The following GNAS variants were observed in gnomAD, a reference collection of about 807,000 sequenced individuals.
GNAS encodes GNAS complex locus.
Under a neutral mutation model 54.5 loss-of-function variants are expected in GNAS, and 8 were observed. The ratio of observed to expected loss-of-function variants is 0.15; its 90% CI spans 0.09 to 0.26. The LOEUF is 0.26. GNAS is among the 10% of genes least tolerant of loss of function. GNAS has a pLI of 1.00. For synonymous variants in GNAS, 204 were observed against 191.4 expected (o/e 1.07, Z -0.54); for missense variants, 170 against 529.8 (o/e 0.32, Z 6.67).
intron 5 of GNAS, 100 bp downstream of exon 5, chr20:58,903,891 C>G (rs987077290): frequency 1.6e-6 from 2 of 1,229,432 alleles, no homozygotes; most frequent in African/African-American, 3.0e-5. Context: ...GCAGGAGCAT[C>G]CAAACCACAC....
intron 1 of GNAS, among the ~76,000 whole-genome samples, chr20:58,893,683 C>T (rs1277896440): frequency 1.3e-5 from 2 of 152,156 alleles, no homozygotes; most frequent in African/African-American, 2.4e-5. Flanking sequence ...GTGTTGCTGT[C>T]TTGTCTAAAA....
chr20:58,891,856 C>G lies in GNAS; in HGVS notation c.130C>G (p.Leu44Val). Reference sequence around the variant, plus strand: ...GGTCTACCGGGCCACGCACCGCCTGCTGCTGCTGGGTAAGGGCGGGCGGGG... The same window carrying G: ...GGTCTACCGGGCCACGCACCGCCTGGTGCTGCTGGGTAAGGGCGGGCGGGG... ...KQVYRATHRL[L>V]LLGAGESGKS... Residue 44 changes from leucine (L) to valine (V), a missense_variant, in exon 1 of 13, where the codon CTG becomes GTG. Leu to Val is a conservative substitution (Grantham distance 32, BLOSUM62 1). Around this residue, in one of 3 missense-constraint regions of GNAS, gnomAD observed 56 missense variants for 55.7 expected, o/e 1.01. Coordinates refer to ENST00000371085, the MANE Select transcript of GNAS (RefSeq NM_000516.7). 8.1e-7 allele frequency: 1 copy of G among 1,227,604 alleles called. No individual in the cohort carries two copies. The highest frequency in any genetic ancestry group is 1.1e-6 in the Non-Finnish European group (1 of 945,240). The allele number at this position is 1,227,604 out of a possible 1,614,324, so 76.0% of individuals were successfully genotyped here. A position where few individuals can be genotyped will look rare whatever the true frequency, so the allele number is the denominator to read the frequency against.
At position 58,899,881 on chromosome 20, in the gene GNAS, G is replaced by A. The variant is rs1215862383; in HGVS notation, c.257+896G>A. On this transcript the variant is annotated intron_variant, in intron 3 of 12. Transcript: ENST00000371085. Reference sequence around the variant, plus strand: ...AAACAGCTTCTGTGGCCGGGGAGGGGAGGGGCAAAGATATTGGGGTCTGGG... The same window carrying A: ...AAACAGCTTCTGTGGCCGGGGAGGGAAGGGGCAAAGATATTGGGGTCTGGG... 3.9e-5 allele frequency: 28 copies of A among 715,666 alleles called. No individual in the cohort carries two copies. The East Asian group carries it at 7.5e-4, about 19-fold the overall frequency. 44.3% of individuals were successfully genotyped at this position (715,666 alleles called of 1,614,324 possible).
At chr20:58,869,980 C>T (rs919053889) in intron 1 of GNAS, among the ~76,000 whole-genome samples, 1 of 152,152 alleles carries the variant, frequency 6.6e-6, no homozygotes, top group African/African-American at 2.4e-5. Flanking sequence ...TCCATTTCTG[C>T]CCCCTGCACC....
chr20:58,850,271 A>G (rs1284565473), intron 1 of GNAS, among the ~76,000 whole-genome samples: 1 of 152,172 alleles, frequency 6.6e-6, no homozygotes, highest in Non-Finnish European at 1.5e-5. Flanking sequence ...ACTCTCCAGG[A>G]TGAGGAACTG....
intron 3 of GNAS, among the ~76,000 whole-genome samples, chr20:58,901,188 C>T (rs903262541): frequency 3.9e-5 from 6 of 152,152 alleles, no homozygotes; most frequent in African/African-American, 9.6e-5. Context: ...ATAGATTTGC[C>T]CTAGGGGGTT....
At chr20:58,869,184 G>C (rs927674957) in intron 1 of GNAS, among the ~76,000 whole-genome samples, 1 of 152,186 alleles carries the variant, frequency 6.6e-6, no homozygotes, top group African/African-American at 2.4e-5. Flanking sequence ...CCTGGGAACT[G>C]GTCCTGAGAT....
chr20:58,903,827 G>T, intron 5 of GNAS, 36 bp downstream of exon 5: 2 of 1,612,114 alleles, frequency 1.2e-6, no homozygotes, highest in East Asian at 2.2e-5. Context: ...CCTTAGCCCC[G>T]CCCACCTGAG....
chr20:58,854,800 G>C, intron 1 of GNAS: 2 of 1,582,022 alleles, frequency 1.3e-6, no homozygotes, highest in Non-Finnish European at 1.7e-6. Flanking sequence ...CAAGTCCGCC[G>C]GGCGGCCTCT....
rs1235563865 is a variant in GNAS, at chr20:58,905,311, G to A, written c.433-72G>A. The A allele has an allele frequency of 1.7e-5, 15 of 888,078 alleles. No homozygotes were observed. The East Asian group carries it at 3.4e-4, about 20-fold the overall frequency. The allele number at this position is 888,078 out of a possible 1,614,324, so 55.0% of individuals were successfully genotyped here. ...GTCACATAGGGAACTCTGGTCTCAG[G>A]GTTTGAATGACAGTGTTGTTGATTA... On this transcript the variant is annotated intron_variant, in intron 5 of 12. Coordinates refer to ENST00000371085, the MANE Select transcript of GNAS (RefSeq NM_000516.7).
At chr20:58,890,160 AAGAAGG>A (rs935455527), upstream of GNAS, among the ~76,000 whole-genome samples, 2 of 151,802 alleles carry the variant, frequency 1.3e-5, no homozygotes, top group African/African-American at 4.8e-5. Flanking sequence ...GGAGGAGAAG[AAGAAGG>A]AGAAGGAGAG....
chr20:58,858,786 T>TTC (rs140651291), intron 1 of GNAS, among the ~76,000 whole-genome samples: 72 of 150,622 alleles, frequency 4.8e-4, no homozygotes, highest in Middle Eastern at 3.4e-3. Flanking sequence ...TATTTTTCTT[T>TTC]TCTCTCTCTC....
At chr20:58,880,273 C>T (rs62203842) in intron 1 of GNAS, among the ~76,000 whole-genome samples, 18,824 of 152,154 alleles carry the variant, frequency 0.12, 1,569 homozygotes, top group Non-Finnish European at 0.17. Context: ...ATATGACCCC[C>T]AGATGCTGTT....
Position 58,911,069 on chromosome 20 carries a change from C to T in GNAS, c.*240C>T. On this transcript the variant is annotated 3_prime_UTR_variant, in exon 13 of 13. Transcript: ENST00000371085. ...GGCCACAAAAGTTCCCTCTCACTTT[C>T]AGTAAAAATAAATAAAACAGCAGCA... The T allele has an allele frequency of 1.5e-6, 1 of 653,474 alleles. No homozygotes were observed. Among genetic ancestry groups the T allele is most frequent in the Non-Finnish European group, 2.8e-6 (1 of 357,332 alleles). The allele number at this position is 653,474 out of a possible 1,614,324, so 40.5% of individuals were successfully genotyped here. A position where few individuals can be genotyped will look rare whatever the true frequency, so the allele number is the denominator to read the frequency against.
upstream of GNAS, chr20:58,888,951 C>A: frequency 2.5e-6 from 1 of 403,772 alleles, no homozygotes; most frequent in Non-Finnish European, 3.3e-6. Flanking sequence ...TGGGCGCGCC[C>A]GCGCCCCCCG....
chr20:58,848,740 C>T (rs1456882172), intron 1 of GNAS: 1 of 394,386 alleles, frequency 2.5e-6, no homozygotes, highest in African/African-American at 2.1e-5. Flanking sequence ...GCCGATCACC[C>T]CCAGCTCTTA....
upstream of GNAS, chr20:58,839,973 G>A (rs2085656539): frequency 1.1e-6 from 1 of 906,890 alleles, no homozygotes; most frequent in Admixed American, 2.2e-5. Context: ...TCACAAGGAG[G>A]TGAGGCTGGG....
At chr20:58,903,645 C>G (rs1569015982) in intron 4 of GNAS, 27 bp from the exon 5 acceptor site, 1 of 1,614,194 alleles carries the variant, frequency 6.2e-7, no homozygotes, top group East Asian at 2.2e-5. Context: ...GTGCTGTTCC[C>G]TGACCGCTTT....
intron 1 of GNAS, among the ~76,000 whole-genome samples, chr20:58,874,670 AGCTCCTGGCCTGCCTTCTATCTTT>A (rs796237137): frequency 4.9e-4 from 73 of 148,898 alleles, no homozygotes; most frequent in African/African-American, 1.4e-3. Context: ...CCTCCATCTT[AGCTCCTGGCCTGCCTTCTATCTTT>A]GCTCCTGGCC....
Sources: allele counts gnomAD v4.1 joint callset (sites outside exome capture counted in the v4.1 genomes callset), GRCh38; gene constraint gnomAD v4.1.1; regional missense constraint gnomAD v4.1.1; transcripts MANE v1.5; gene names NCBI Gene and HGNC (gene_info 2026-07-23, HGNC 2026-07-21).